Variants in SCMH1 observed in about 807,000 individuals in gnomAD.
SCMH1 encodes Scm polycomb group protein homolog 1, also known as polycomb protein SCMH1.
Under a neutral mutation model 70.8 loss-of-function variants are expected in SCMH1, and 37 were observed. That is an observed-to-expected ratio of 0.52 (90% confidence interval 0.40 to 0.69). SCMH1 has a LOEUF of 0.69. Ranked by LOEUF, SCMH1 falls within the 30% of genes least tolerant of loss-of-function variation. The pLI is 0.00. For synonymous variants in SCMH1, 292 were observed against 307.4 expected, an observed-to-expected ratio of 0.95 and a Z score of 0.52; for missense variants, 607 against 827.3, an observed-to-expected ratio of 0.73 and a Z score of 3.27.
intron 1 of SCMH1, among the ~76,000 whole-genome samples, chr1:41,231,555 C>T (rs933511720): frequency 6.6e-6 from 1 of 152,040 alleles, no homozygotes; most frequent in Non-Finnish European, 1.5e-5. Flanking sequence ...AACTAAAGTC[C>T]ACACTTTATT....
chr1:41,103,343 T>C (rs905021887), intron 8 of SCMH1, among the ~76,000 whole-genome samples: 4 of 152,246 alleles, frequency 2.6e-5, no homozygotes, highest in African/African-American at 9.6e-5. Flanking sequence ...AGTTTCACCA[T>C]GTTGGCCAGG....
intron 1 of SCMH1, among the ~76,000 whole-genome samples, chr1:41,221,624 A>T (rs1659299336): frequency 6.6e-6 from 1 of 151,254 alleles, no homozygotes; most frequent in East Asian, 1.9e-4. Context: ...GCGGTGGCTC[A>T]TGCCTATAAT....
At chr1:41,165,534 T>C (rs1646355741) in intron 2 of SCMH1, among the ~76,000 whole-genome samples, 1 of 152,128 alleles carries the variant, frequency 6.6e-6, no homozygotes, top group South Asian at 2.1e-4. Context: ...TTTCTTGTAA[T>C]CCTTGCCAAC....
At chr1:41,086,540 C>A (rs539627672) in intron 8 of SCMH1, among the ~76,000 whole-genome samples, 5 of 150,428 alleles carry the variant, frequency 3.3e-5, no homozygotes, top group African/African-American at 1.2e-4. Context: ...TACAAAGAAA[C>A]CTTTCCCCAC....
intron 5 of SCMH1, among the ~76,000 whole-genome samples, chr1:41,145,003 T>C (rs894071249): frequency 4.6e-5 from 7 of 152,202 alleles, no homozygotes; most frequent in Admixed American, 3.9e-4. Flanking sequence ...TTACCAGATA[T>C]ATAATTCTCA....
At chr1:41,100,316 CA>C (rs1557432804) in intron 8 of SCMH1, among the ~76,000 whole-genome samples, 1 of 151,590 alleles carries the variant, frequency 6.6e-6, no homozygotes, top group Non-Finnish European at 1.5e-5. Flanking sequence ...CTAACAACAA[CA>C]AAAAAAGGTA....
intron 10 of SCMH1, among the ~76,000 whole-genome samples, chr1:41,060,506 C>T (rs961787993): frequency 8.7e-5 from 13 of 149,286 alleles, no homozygotes; most frequent in African/African-American, 2.7e-4. Flanking sequence ...TGCCAGAACA[C>T]CTGCCTTGCA....
chr1:41,194,792 G>A (rs773504091), intron 1 of SCMH1, among the ~76,000 whole-genome samples: 4 of 152,142 alleles, frequency 2.6e-5, no homozygotes, highest in East Asian at 1.9e-4. Flanking sequence ...TGGGCAGTGT[G>A]GAACCAGAGT....
chr1:41,125,788 G>A (rs1673044986), intron 6 of SCMH1, among the ~76,000 whole-genome samples: 1 of 151,940 alleles, frequency 6.6e-6, no homozygotes, highest in South Asian at 2.1e-4. Context: ...TGTTGCCCAG[G>A]CTGGTCTCGA....
chr1:41,231,141 G>A (rs150717470), intron 1 of SCMH1, among the ~76,000 whole-genome samples: 1 of 152,212 alleles, frequency 6.6e-6, no homozygotes, highest in East Asian at 1.9e-4. Context: ...GGTCTATTTT[G>A]TACTGGGATT....
chr1:41,082,711 T>C (rs571070181), intron 8 of SCMH1, among the ~76,000 whole-genome samples: 1 of 152,126 alleles, frequency 6.6e-6, no homozygotes, highest in South Asian at 2.1e-4. Flanking sequence ...TGAACATTGA[T>C]GCGAAAATCC....
intron 12 of SCMH1, among the ~76,000 whole-genome samples, chr1:41,040,844 A>T (rs571093581): frequency 6.6e-6 from 1 of 152,324 alleles, no homozygotes; most frequent in Non-Finnish European, 1.5e-5. Flanking sequence ...AGCCTGGGCA[A>T]CGAGAGTGAA....
At position 41,030,199 on chromosome 1, in the gene SCMH1, C is replaced by T. The variant is rs1418668981; in HGVS notation, c.1679-1473G>A. 2.6e-5 allele frequency among the ~76,000 whole-genome samples: 4 copies of T among 152,108 alleles called. No homozygotes were observed. The South Asian group carries it at 8.3e-4, about 32-fold the overall frequency. On this transcript the variant is annotated intron_variant, in intron 13 of 14. Transcript: ENST00000337495. Reference sequence around the variant, plus strand: ...TTGCAGTCCAGCCTGGGTGACAGAGCGAGACCCTGTCTCAAAAAAAACAAA... The same window carrying T: ...TTGCAGTCCAGCCTGGGTGACAGAGTGAGACCCTGTCTCAAAAAAAACAAA...
intron 7 of SCMH1, among the ~76,000 whole-genome samples, chr1:41,115,572 C>T (rs1322035600): frequency 6.6e-6 from 1 of 152,074 alleles, no homozygotes; most frequent in Non-Finnish European, 1.5e-5. Flanking sequence ...CAAGTAGCTG[C>T]GACTACAGGC....
intron 6 of SCMH1, among the ~76,000 whole-genome samples, chr1:41,138,199 C>CT (rs778333727): frequency 2.5e-4 from 37 of 150,872 alleles, no homozygotes; most frequent in East Asian, 1.4e-3. Flanking sequence ...AAAGACTTGG[C>CT]TTTTTTTTTG....
intron 1 of SCMH1, among the ~76,000 whole-genome samples, chr1:41,226,294 A>C (rs1365694657): frequency 6.6e-6 from 1 of 152,226 alleles, no homozygotes; most frequent in Non-Finnish European, 1.5e-5. Flanking sequence ...ATATCATTTA[A>C]GGGATGATAA....
chr1:41,182,616 T>C (rs552371546), intron 2 of SCMH1, among the ~76,000 whole-genome samples: 4 of 152,078 alleles, frequency 2.6e-5, no homozygotes, highest in East Asian at 1.9e-4. Flanking sequence ...GGGGCTGCGA[T>C]GGGAGGATTG....
At chr1:41,204,128 A>C (rs966516800) in intron 1 of SCMH1, among the ~76,000 whole-genome samples, 1 of 152,182 alleles carries the variant, frequency 6.6e-6, no homozygotes, top group Non-Finnish European at 1.5e-5. Context: ...GATATCTTAT[A>C]ATTTGCCCAA....
rs555002748 is a variant in SCMH1, at chr1:41,064,836, G to C, written c.1105+5759C>G. ...CAGTTGAGGCAGGAAGATCGCTTCT[G>C]CCCAGGAGTTTGAGGCTGCGGAGAG... On this transcript the variant is annotated intron_variant, in intron 10 of 14. Coordinates refer to ENST00000337495, the Ensembl canonical transcript of SCMH1. Among the ~76,000 whole-genome samples the C allele has an allele frequency of 2.3e-3, 355 of 152,086 alleles. 4 individuals carry two copies. Among genetic ancestry groups the C allele is most frequent in the African/African-American group, 8.1e-3 (337 of 41,462 alleles).
Sources: allele counts gnomAD v4.1 joint callset (sites outside exome capture counted in the v4.1 genomes callset), GRCh38; gene constraint gnomAD v4.1.1; transcripts MANE v1.5; gene names NCBI Gene and HGNC (gene_info 2026-07-23, HGNC 2026-07-21).